Variants in PCDHA4 observed in about 807,000 individuals in gnomAD.
The protein encoded by PCDHA4 is protocadherin alpha-4.
Under a neutral mutation model 61.4 loss-of-function variants are expected in PCDHA4, and 49 were observed. The ratio of observed to expected loss-of-function variants is 0.80; its 90% CI spans 0.63 to 1.01. The LOEUF (loss-of-function observed/expected upper bound fraction) is 1.01, where lower values mean the gene tolerates loss of function less well. Among genes scored for constraint, PCDHA4 ranks in the 50% least tolerant of loss-of-function variants. The pLI, the probability that PCDHA4 is intolerant of heterozygous loss-of-function variation, is 0.00. For missense variants in PCDHA4, 1,254 were observed against 1,235.8 expected (o/e 1.01, Z -0.22); for synonymous variants, 590 against 550.3 (o/e 1.07, Z -1.01).
chr5:140,903,498 T>C (rs1205249543), intron 1 of PCDHA4, among the ~76,000 whole-genome samples: 2 of 152,320 alleles, frequency 1.3e-5, no homozygotes, highest in East Asian at 1.9e-4. Context: ...GCAGGTACCA[T>C]AGATAATAGT....
At chr5:140,838,079 T>TATA (rs1775498021) in intron 1 of PCDHA4, among the ~76,000 whole-genome samples, 4 of 6,872 alleles carry the variant, frequency 5.8e-4, no homozygotes, top group African/African-American at 2.3e-3. Context: ...ATATATATAG[T>TATA]GTGTGTGTGT....
chr5:140,897,540 A>C (rs1554187435), intron 1 of PCDHA4, among the ~76,000 whole-genome samples: 1 of 152,052 alleles, frequency 6.6e-6, no homozygotes, highest in Non-Finnish European at 1.5e-5. Flanking sequence ...ATGGCTGCAT[A>C]GTCTTCCATG....
intron 1 of PCDHA4, chr5:140,884,356 C>T: frequency 6.2e-7 from 1 of 1,613,936 alleles, no homozygotes; most frequent in South Asian, 1.1e-5. Flanking sequence ...TGGTGGATGT[C>T]AATGTTTACT....
rs139331486 is a variant in PCDHA4, at chr5:140,836,143, C to T, written c.2385+26571C>T. On this transcript the variant is annotated intron_variant, in intron 1 of 3. Coordinates refer to ENST00000530339, the MANE Select transcript of PCDHA4 (RefSeq NM_018907.4). ...GAGCTTGTGCCGCGGTCTGTGGGCG[C>T]GGGCCATGTGGTGGCGAAGGTACGT... 75 of 1,613,760 alleles carry T rather than the reference C, an allele frequency of 4.6e-5. 1 individual carries two copies. In the African/African-American group the frequency reaches 7.6e-4, roughly 16 times the overall value.
At chr5:140,848,956 T>C in intron 1 of PCDHA4, 2 of 1,606,732 alleles carry the variant, frequency 1.2e-6, no homozygotes, top group Non-Finnish European at 1.7e-6. Flanking sequence ...CGGTTTCCAC[T>C]AGAGGGCGCG....
intron 1 of PCDHA4, chr5:140,876,644 C>G: frequency 2.5e-6 from 4 of 1,614,200 alleles, no homozygotes; most frequent in Non-Finnish European, 3.4e-6. Context: ...TCACTGACAC[C>G]TCATGTTCCC....
intron 1 of PCDHA4, chr5:140,834,744 G>A (rs1554134479): frequency 2.5e-6 from 4 of 1,614,214 alleles, no homozygotes; most frequent in Non-Finnish European, 3.4e-6. Flanking sequence ...CCATGTGGAC[G>A]TGGAGGTGAA....
At chr5:140,958,104 T>C (rs1554223331) in intron 1 of PCDHA4, among the ~76,000 whole-genome samples, 1 of 151,916 alleles carries the variant, frequency 6.6e-6, no homozygotes, top group Admixed American at 6.6e-5. Flanking sequence ...GTGTGTAGAG[T>C]GTGGTTCCAT....
Position 140,823,435 on chromosome 5 carries a change from G to A in PCDHA4, c.2385+13863G>A, listed in dbSNP as rs2150125810. On this transcript the variant is annotated intron_variant, in intron 1 of 3. Coordinates refer to ENST00000530339, the MANE Select transcript of PCDHA4 (RefSeq NM_018907.4). ...CAGCAACGTGACGCTGCAGGTGTTC[G>A]TGCTGGACGAGAACGACAACGCGCC... 6 of 1,613,288 alleles carry A rather than the reference G, an allele frequency of 3.7e-6. No homozygotes were observed. In the East Asian group the frequency reaches 6.7e-5, roughly 18 times the overall value.
intron 3 of PCDHA4, among the ~76,000 whole-genome samples, chr5:141,002,340 TTC>T (rs1554258614): frequency 5.3e-4 from 81 of 152,342 alleles, no homozygotes; most frequent in African/African-American, 1.9e-3. Flanking sequence ...TCCGCACCCC[TTC>T]CCCCACCTCC....
intron 1 of PCDHA4, chr5:140,830,622 C>A (rs1390414741): frequency 1.7e-6 from 1 of 582,552 alleles, no homozygotes. Flanking sequence ...TATTGTGTTT[C>A]TTATTTTAAT....
rs1340141507 is a variant in PCDHA4, at chr5:140,939,833, CTTG to C, written c.2386-39108_2386-39106del. 2.6e-5 allele frequency among the ~76,000 whole-genome samples: 4 copies of C among 152,224 alleles called. No individual in the cohort carries two copies. The East Asian group carries it at 7.7e-4, about 29-fold the overall frequency. ...AAGAAAAAGCAGTATTCTGACATTG[CTTG>C]TTGTTGTGTTCTGTATATGTCCATT... On this transcript the variant is annotated intron_variant, in intron 1 of 3. Transcript: ENST00000530339.
chr5:140,928,152 T>G, intron 1 of PCDHA4: 1 of 1,614,200 alleles, frequency 6.2e-7, no homozygotes, highest in East Asian at 2.2e-5. Context: ...CCTCAGATAG[T>G]GGCTCACCCC....
At chr5:140,914,997 G>A (rs548148626) in intron 1 of PCDHA4, among the ~76,000 whole-genome samples, 43 of 148,264 alleles carry the variant, frequency 2.9e-4, no homozygotes, top group African/African-American at 1.0e-3. Flanking sequence ...CCAGGCTGGA[G>A]TGCAGTGGCC....
chr5:140,850,687 A>C lies in PCDHA4; in HGVS notation c.2385+41115A>C, dbSNP rs1159294242. The C allele has an allele frequency of 1.3e-5, 21 of 1,597,676 alleles. 1 individual carries two copies. The highest frequency in any genetic ancestry group is 3.4e-5 in the Admixed American group (2 of 59,228). ...TGCTCGGCGATGCCCACCGAGGGCG[A>C]GTGCGCGCCTGGCAAGCCGACGCTG... On this transcript the variant is annotated intron_variant, in intron 1 of 3. Transcript: ENST00000530339.
intron 1 of PCDHA4, chr5:140,969,102 T>C: frequency 1.2e-6 from 2 of 1,614,114 alleles, no homozygotes; most frequent in African/African-American, 1.3e-5. Flanking sequence ...CCTCACTTCA[T>C]TGAAGTTCGA....
chr5:140,831,992 C>T (rs2150198837), intron 1 of PCDHA4, among the ~76,000 whole-genome samples: 4 of 152,222 alleles, frequency 2.6e-5, no homozygotes, highest in African/African-American at 7.2e-5. Flanking sequence ...ATTACGGATT[C>T]CATATTGTTT....
chr5:140,966,278 T>A, intron 1 of PCDHA4: 1 of 363,192 alleles, frequency 2.8e-6, no homozygotes, highest in Non-Finnish European at 4.9e-6. Context: ...AACTGGACAG[T>A]GGGGGTAGGG....
chr5:140,906,629 C>T (rs1554192599), intron 1 of PCDHA4, among the ~76,000 whole-genome samples: 1 of 152,222 alleles, frequency 6.6e-6, no homozygotes, highest in Non-Finnish European at 1.5e-5. Context: ...CTTCAGCAAG[C>T]ACCTCAGCAG....
Sources: gnomAD v4.1 joint callset for allele counts (sites outside exome capture counted in the v4.1 genomes callset) on GRCh38, gnomAD v4.1.1 for gene constraint, MANE v1.5 for transcripts, NCBI Gene and HGNC (gene_info 2026-07-23, HGNC 2026-07-21) for gene names.